Variants in CDH4 observed in about 807,000 individuals in gnomAD.
CDH4 encodes cadherin 4.
In CDH4, 33 loss-of-function variants were observed where a neutral mutation model predicts 86.0. That is an observed-to-expected ratio of 0.38 (90% CI 0.29 to 0.51). The LOEUF (loss-of-function observed/expected upper bound fraction) is 0.51, where lower values mean the gene tolerates loss of function less well. CDH4 is among the 20% of genes least tolerant of loss of function. The pLI is 0.86. For missense variants in CDH4, 1,114 were observed against 1,307.4 expected (o/e 0.85, Z 2.28); for synonymous variants, 555 against 549.4 (o/e 1.01, Z -0.14).
In CDH4 at chr20:61,478,067, C is replaced by T. The variant is rs181729119; in HGVS notation, c.169+223130C>T. On this transcript the variant is annotated intron_variant, in intron 2 of 15. Transcript: ENST00000614565. ...GAGGACTGACATTCCCTTCAGTCTA[C>T]TGGCAGGGATCGGAGCTGCTCAGAG... 3.9e-5 allele frequency among the ~76,000 whole-genome samples: 6 copies of T among 152,314 alleles called. No individual in the cohort carries two copies. The East Asian group carries it at 1.2e-3, about 29-fold the overall frequency.
chr20:61,579,663 TG>T (rs1367679433), intron 2 of CDH4, among the ~76,000 whole-genome samples: 1 of 152,138 alleles, frequency 6.6e-6, no homozygotes, highest in Non-Finnish European at 1.5e-5. Flanking sequence ...AGGCCACATC[TG>T]GCTTATCTCC....
chr20:61,636,724 C>G lies in CDH4; in HGVS notation c.170-106839C>G, dbSNP rs533481992. On this transcript the variant is annotated intron_variant, in intron 2 of 15. Transcript: ENST00000614565. Reference sequence around the variant, plus strand: ...TGGAGGCTCCAGAGTTCCACGCCCTCCCCTGGTGCCCCAGACTCCTGAGTC... The same window carrying G: ...TGGAGGCTCCAGAGTTCCACGCCCTGCCCTGGTGCCCCAGACTCCTGAGTC... 2.0e-5 allele frequency among the ~76,000 whole-genome samples: 3 copies of G among 152,248 alleles called. No homozygotes were observed. In the East Asian group the frequency reaches 5.8e-4, roughly 29 times the overall value.
At chr20:61,761,936 C>T (rs1404195953) in intron 3 of CDH4, among the ~76,000 whole-genome samples, 9 of 152,006 alleles carry the variant, frequency 5.9e-5, no homozygotes, top group African/African-American at 2.2e-4. Context: ...CAGCAGGCAG[C>T]GCCGCACGGC....
intron 2 of CDH4, among the ~76,000 whole-genome samples, chr20:61,400,036 G>T (rs6121757): frequency 3.3e-5 from 5 of 152,096 alleles, no homozygotes; most frequent in East Asian, 1.9e-4. Context: ...CCCCCTTACA[G>T]CTGGGCAGCA....
intron 9 of CDH4, among the ~76,000 whole-genome samples, chr20:61,919,843 TTGTG>T (rs576472446): frequency 2.3e-4 from 20 of 88,524 alleles, no homozygotes; most frequent in South Asian, 1.2e-3. Context: ...AAGCGTGTGA[TTGTG>T]TGGAAGCATG....
At chr20:61,457,599 A>G (rs73318377) in intron 2 of CDH4, among the ~76,000 whole-genome samples, 1,994 of 152,178 alleles carry the variant, frequency 0.013, 47 homozygotes, top group African/African-American at 0.044. Flanking sequence ...GATGGTCATG[A>G]TCATGATGGT....
intron 2 of CDH4, among the ~76,000 whole-genome samples, chr20:61,707,320 G>A (rs995149209): frequency 2.6e-5 from 4 of 152,256 alleles, no homozygotes; most frequent in African/African-American, 7.2e-5. Context: ...CTCTGCCTTC[G>A]TCAGTTGCTG....
intron 2 of CDH4, among the ~76,000 whole-genome samples, chr20:61,449,244 CG>C (rs72381887): frequency 0.047 from 7,098 of 152,216 alleles, 570 homozygotes; most frequent in African/African-American, 0.16. Flanking sequence ...TTTATCTCCA[CG>C]GGGGGGCCGA....
intron 2 of CDH4, among the ~76,000 whole-genome samples, chr20:61,713,288 GCTTCAA>G (rs2087913037): frequency 1.3e-5 from 2 of 152,192 alleles, no homozygotes; most frequent in Non-Finnish European, 2.9e-5. Context: ...GCAATGCTGA[GCTTCAA>G]GGTGCATGGG....
intron 4 of CDH4, among the ~76,000 whole-genome samples, chr20:61,793,421 A>G (rs545156908): frequency 8.8e-4 from 134 of 152,372 alleles, no homozygotes; most frequent in African/African-American, 3.2e-3. Flanking sequence ...TGGGAAAGAA[A>G]AATTTTAAAA....
chr20:61,790,759 T>A (rs912496152), intron 4 of CDH4, among the ~76,000 whole-genome samples: 1 of 147,692 alleles, frequency 6.8e-6, no homozygotes, highest in Non-Finnish European at 1.5e-5. Flanking sequence ...CATTTATCTA[T>A]CCATCTATCC....
rs1042387505 is a variant in CDH4 at position 61,501,964 on chromosome 20, G to T, written c.170-241599G>T. ...GTGTAAAGTAAGATGAACCGAGTGG[G>T]CACGTTAGCCCAGGCCGTTACCCTT... is the stretch of plus-strand genomic sequence containing the variant. On this transcript the variant is annotated intron_variant, in intron 2 of 15. Transcript: ENST00000614565. This position sits in a 1 kb window ranked among gnomAD's most constrained non-coding sequence, Gnocchi z 4.2. Among the ~76,000 whole-genome samples, 3 of 152,190 alleles carry T rather than the reference G, an allele frequency of 2.0e-5. No homozygotes were observed. The highest frequency in any genetic ancestry group is 4.4e-5 in the Non-Finnish European group (3 of 68,040).
Position 61,754,323 on chromosome 20 carries a change from AGTGTCCCCAGCCAGGGGT to A in CDH4, c.396+10535_396+10552del, listed in dbSNP as rs1431504846. Among the ~76,000 whole-genome samples the A allele has an allele frequency of 6.6e-6, 1 of 152,070 alleles. No individual in the cohort carries two copies. Among genetic ancestry groups the A allele is most frequent in the Non-Finnish European group, 1.5e-5 (1 of 67,982 alleles). On this transcript the variant is annotated intron_variant, in intron 3 of 15. Transcript: ENST00000614565. The surrounding 1 kb of genome is among the most constrained non-coding windows in gnomAD (Gnocchi z 4.7). Reference sequence around the variant, plus strand: ...CAAGGCATCCCCGAAGGCAGGGAGGAGTGTCCCCAGCCAGGGGTCCCGCCCAGGGCTCCAAATACCCCT... The same window carrying A: ...CAAGGCATCCCCGAAGGCAGGGAGGACCCGCCCAGGGCTCCAAATACCCCT...
At chr20:61,573,382 T>C (rs2086358953) in intron 2 of CDH4, among the ~76,000 whole-genome samples, 1 of 152,192 alleles carries the variant, frequency 6.6e-6, no homozygotes, top group Non-Finnish European at 1.5e-5. Context: ...GAAACACAAG[T>C]TGAGTATTTT....
At chr20:61,374,114 G>A (rs1892326) in intron 2 of CDH4, among the ~76,000 whole-genome samples, 38,271 of 152,072 alleles carry the variant, frequency 0.25, 5,308 homozygotes, top group African/African-American at 0.35. Context: ...CACTGTCACA[G>A]AGCTGGCACT....
intron 4 of CDH4, among the ~76,000 whole-genome samples, chr20:61,780,582 G>A (rs921918861): frequency 2.6e-5 from 4 of 152,150 alleles, no homozygotes; most frequent in Non-Finnish European, 5.9e-5. Flanking sequence ...GTTACGTTAG[G>A]GATACAGTAC....
At chr20:61,362,565 G>A (rs2084789829) in intron 2 of CDH4, among the ~76,000 whole-genome samples, 1 of 152,042 alleles carries the variant, frequency 6.6e-6, no homozygotes, top group South Asian at 2.1e-4. Context: ...GCCTAGGACA[G>A]CGTAGTGGAG....
chr20:61,838,144 G>C (rs1358980621), intron 4 of CDH4, among the ~76,000 whole-genome samples: 1 of 48,438 alleles, frequency 2.1e-5, no homozygotes, highest in African/African-American at 4.0e-5. Context: ...CTACCTGCCT[G>C]TCTGCCTGTC....
In CDH4 at chr20:61,889,444, CATGGATGG is replaced by C. The variant is rs147429200; in HGVS notation, c.1051-5447_1051-5440del. ...ATGGGTGATAGATGAATGGATGATGCATGGATGGATGGATGGATGGATGGATAGATGAT... is the reference window on the plus strand; with the variant it reads ...ATGGGTGATAGATGAATGGATGATGCATGGATGGATGGATGGATAGATGAT... On this transcript the variant is annotated intron_variant, in intron 7 of 15. Transcript: ENST00000614565. Among the ~76,000 whole-genome samples, 372 of 145,378 alleles carry C rather than the reference CATGGATGG, an allele frequency of 2.6e-3. 12 individuals are homozygous for C. The South Asian group carries it at 0.05, about 19-fold the overall frequency.
Sources: gnomAD v4.1 joint callset for allele counts (sites outside exome capture counted in the v4.1 genomes callset) on GRCh38, gnomAD v4.1.1 for gene constraint, Gnocchi (gnomAD v3.1) non-coding constraint, MANE v1.5 for transcripts, NCBI Gene and HGNC (gene_info 2026-07-23, HGNC 2026-07-21) for gene names.